Variants in TRIB3 observed in about 807,000 individuals in gnomAD.
TRIB3 encodes the protein tribbles homolog 3.
TRIB3 carries 20 observed loss-of-function variants against 16.6 expected under a neutral mutation model. The ratio of observed to expected loss-of-function variants is 1.20; its 90% CI spans 0.85 to 1.75. The LOEUF is 1.75. Ranked by LOEUF, TRIB3 falls within the 40% of genes most tolerant of loss-of-function variation. The probability of loss-of-function intolerance (pLI) is 0.00; values close to 1 mark genes in which losing one functional copy is unlikely to be tolerated. For synonymous variants in TRIB3, 208 were observed against 217.0 expected, an observed-to-expected ratio of 0.96 and a Z score of 0.36; for missense variants, 484 against 488.9, an observed-to-expected ratio of 0.99 and a Z score of 0.10.
At chr20:395,759 G>C (rs1340979032) in intron 3 of TRIB3, among the ~76,000 whole-genome samples, 20 of 152,106 alleles carry the variant, frequency 1.3e-4, no homozygotes, top group Admixed American at 1.3e-3. Context: ...CTGGGTCAAG[G>C]GCCAGGAACA....
chr20:380,948 T>A lies in TRIB3; in HGVS notation c.-222T>A, dbSNP rs2014620814. The A allele has an allele frequency of 8.2e-6, 1 of 121,526 alleles. No individual in the cohort carries two copies. Among genetic ancestry groups the A allele is most frequent in the African/African-American group, 3.5e-5 (1 of 28,706 alleles). 7.5% of individuals were successfully genotyped at this position (121,526 alleles called of 1,614,324 possible). A position where few individuals can be genotyped will look rare whatever the true frequency, so the allele number is the denominator to read the frequency against. Reference sequence around the variant, plus strand: ...GTTTGCATCACCCGGACCGGGGGATTAGCTCCGGTTTGCATCACCCGGACC... The same window carrying A: ...GTTTGCATCACCCGGACCGGGGGATAAGCTCCGGTTTGCATCACCCGGACC... On this transcript the variant is annotated 5_prime_UTR_variant, in exon 1 of 4. Coordinates refer to ENST00000217233, the MANE Select transcript of TRIB3 (RefSeq NM_021158.5).
intron 3 of TRIB3, among the ~76,000 whole-genome samples, chr20:393,137 TGACGTAGCTA>T (rs879623780): frequency 0.19 from 26,731 of 142,742 alleles, 3,055 homozygotes; most frequent in East Asian, 0.29. Context: ...TGTTAACACC[TGACGTAGCTA>T]TGGTACAATT....
chr20:382,148 C>T (rs111913544), intron 1 of TRIB3, among the ~76,000 whole-genome samples: 3,167 of 152,046 alleles, frequency 0.021, 62 homozygotes, highest in Middle Eastern at 0.085. Context: ...CGCGCTTGCG[C>T]TTGATGTAAC....
chr20:394,306 C>T (rs1056860117), intron 3 of TRIB3, among the ~76,000 whole-genome samples: 5 of 152,194 alleles, frequency 3.3e-5, no homozygotes, highest in Non-Finnish European at 5.9e-5. Context: ...TGGGCCGCTG[C>T]GCCCAGCCCC....
rs1228808374 is a variant in TRIB3, at chr20:383,642, G to A, written c.-1+2473G>A. Among the ~76,000 whole-genome samples, 4 of 151,924 alleles carry A rather than the reference G, an allele frequency of 2.6e-5. No homozygotes were observed. The South Asian group carries it at 6.2e-4, about 24-fold the overall frequency. On this transcript the variant is annotated intron_variant, in intron 1 of 3. Coordinates refer to ENST00000217233, the MANE Select transcript of TRIB3 (RefSeq NM_021158.5). ...TTTCTTAGGGACAGGGTCTCGCTACGTTGCCTAGGCTGGTCTTGAACTCCT... is the reference window on the plus strand; with the variant it reads ...TTTCTTAGGGACAGGGTCTCGCTACATTGCCTAGGCTGGTCTTGAACTCCT...
intron 1 of TRIB3, 43 bp downstream of exon 1, chr20:381,212 G>A (rs1428574828): frequency 2.6e-5 from 4 of 152,244 alleles, no homozygotes; most frequent in Non-Finnish European, 5.9e-5. Context: ...CGGAGGCCGG[G>A]GGGCGGGAGG....
rs759571294 is a variant in TRIB3, at chr20:391,586, G to A, written c.584+7G>A. The A allele has an allele frequency of 2.5e-6, 4 of 1,602,338 alleles. No individual in the cohort carries two copies. The highest frequency in any genetic ancestry group is 3.4e-6 in the Non-Finnish European group (4 of 1,172,810). ...TCTTCGCTGACCGTGAGAGGTGAGT[G>A]TGGTCTCAGAGACCCCAGCCACAGA... On this transcript the variant is annotated splice_region_variant and intron_variant, in intron 3 of 3. Transcript: ENST00000217233.
At chr20:381,281 ACACG>A (rs1204437722) in intron 1 of TRIB3, 112 bp downstream of exon 1, 1 of 152,128 alleles carries the variant, frequency 6.6e-6, no homozygotes, top group Non-Finnish European at 1.5e-5. Context: ...GCCGCGTGTT[ACACG>A]CACGCACGCC....
At chr20:391,718 T>G in intron 3 of TRIB3, 139 bp downstream of exon 3, 1 of 1,191,086 alleles carries the variant, frequency 8.4e-7, no homozygotes, top group Non-Finnish European at 1.1e-6. Flanking sequence ...CCCTGTTTAG[T>G]TCCCTGAGAA....
At chr20:391,001 C>CGAAAAA (rs747388615) in intron 2 of TRIB3, among the ~76,000 whole-genome samples, 2 of 85,786 alleles carry the variant, frequency 2.3e-5, no homozygotes, top group Admixed American at 1.3e-4. Flanking sequence ...GACTCCGTCT[C>CGAAAAA]AAAAAAAAAA....
Position 384,520 on chromosome 20 carries a change from T to C in TRIB3, c.-1+3351T>C, listed in dbSNP as rs148135106. Among the ~76,000 whole-genome samples, 112 of 152,152 alleles carry C rather than the reference T, an allele frequency of 7.4e-4. 1 individual carries two copies. Among genetic ancestry groups the C allele is most frequent in the African/African-American group, 2.4e-3 (98 of 41,508 alleles). ...CTGGGACTACAGGCATGCACCACCA[T>C]GCCCACCTAATTTTTGTATGTTTAG... On this transcript the variant is annotated intron_variant, in intron 1 of 3. Coordinates refer to ENST00000217233, the MANE Select transcript of TRIB3 (RefSeq NM_021158.5).
At chr20:387,184 C>T (rs915570866) in intron 1 of TRIB3, among the ~76,000 whole-genome samples, 2 of 151,972 alleles carry the variant, frequency 1.3e-5, no homozygotes, top group Admixed American at 6.6e-5. Flanking sequence ...CCAGCCTAGG[C>T]AATGTAGGGA....
At chr20:394,028 CTTTCTT>C (rs2015052433) in intron 3 of TRIB3, among the ~76,000 whole-genome samples, 4 of 144,602 alleles carry the variant, frequency 2.8e-5, no homozygotes, top group Admixed American at 6.9e-5. Context: ...TTTTTTCTTT[CTTTCTT>C]TTTTTTTTTT....
At chr20:382,345 G>A (rs1404937926) in intron 1 of TRIB3, 3 of 583,842 alleles carry the variant, frequency 5.1e-6, no homozygotes, top group Non-Finnish European at 9.2e-6. Flanking sequence ...GGCCCCAACA[G>A]GCTCTGAGGG....
Position 396,488 on chromosome 20 carries a change from T to C in TRIB3, c.875T>C (p.Val292Ala). 1 of 1,612,982 alleles carries C rather than the reference T, an allele frequency of 6.2e-7. No homozygotes were observed. Among genetic ancestry groups the C allele is most frequent in the Non-Finnish European group, 8.5e-7 (1 of 1,179,990 alleles). The change falls in exon 4 of 4, where the codon GTT becomes GCT. Residue 292 changes from valine to alanine, a missense_variant. Val to Ala is a moderately conservative substitution (Grantham distance 64). Transcript: ENST00000217233. ...CTCTCGGCCCCTGCCCGCTGTCTGG[T>C]TCGCTGCCTCCTTCGTCGGGAGCCA... ...AGLSAPARCL[V>A]RCLLRREPAE...
At chr20:390,024 T>A (rs1248136513) in intron 2 of TRIB3, among the ~76,000 whole-genome samples, 2 of 152,088 alleles carry the variant, frequency 1.3e-5, no homozygotes. Context: ...AACAAGCGAA[T>A]AAGTAAAATA....
chr20:396,187 C>T lies in TRIB3; in HGVS notation c.585-11C>T. 6.2e-7 allele frequency: 1 copy of T among 1,603,236 alleles called. No homozygotes were observed. The highest frequency in any genetic ancestry group is 2.2e-5 in the East Asian group (1 of 44,632). ...TAGGACCTGACCCTTCTGTTTCTCC[C>T]CATGTCCCAGGAAGAAGCTGGTGCT... is the stretch of plus-strand genomic sequence containing the variant. On this transcript the variant is annotated splice_polypyrimidine_tract_variant and intron_variant, in intron 3 of 3. Coordinates refer to ENST00000217233, the MANE Select transcript of TRIB3 (RefSeq NM_021158.5).
At position 396,326 on chromosome 20, in the gene TRIB3, C is replaced by A; in HGVS notation, c.713C>A (p.Ser238Ter). 6.2e-7 allele frequency: 1 copy of A among 1,613,752 alleles called. No homozygotes were observed. Among genetic ancestry groups the A allele is most frequent in the East Asian group, 2.2e-5 (1 of 44,888 alleles). The change falls in exon 4 of 4, where the codon TCG (serine) becomes TAG (stop). Residue 238 changes from serine to a stop codon, truncating the protein, a stop_gained. Coordinates refer to ENST00000217233, the MANE Select transcript of TRIB3 (RefSeq NM_021158.5). LOFTEE classifies it low-confidence loss of function (END_TRUNC). ...PEILSSRASY[S>*]GKAADVWSLG... is the part of the protein sequence containing the mutation. The stretch of plus-strand genomic sequence containing the variant: ...ATACTCAGCTCACGGGCCTCATACT[C>A]GGGCAAGGCAGCCGATGTCTGGAGC...
intron 1 of TRIB3, among the ~76,000 whole-genome samples, chr20:382,975 T>C (rs2014704684): frequency 6.6e-6 from 1 of 152,234 alleles, no homozygotes; most frequent in East Asian, 1.9e-4. Flanking sequence ...TGCCTTGAAC[T>C]GTTGGGAAGG....
Sources: gnomAD v4.1 joint callset for allele counts (sites outside exome capture counted in the v4.1 genomes callset) on GRCh38, gnomAD v4.1.1 for gene constraint, MANE v1.5 for transcripts, NCBI Gene and HGNC (gene_info 2026-07-23, HGNC 2026-07-21) for gene names.